Variants in LYZL2 observed in about 807,000 individuals in gnomAD.
LYZL2 encodes lysozyme-like protein 2.
LYZL2 carries 13 observed loss-of-function variants against 17.1 expected under a neutral mutation model. That is an observed-to-expected ratio of 0.76 (90% confidence interval 0.49 to 1.21). The LOEUF (loss-of-function observed/expected upper bound fraction) is 1.21, where lower values mean the gene tolerates loss of function less well. Among genes scored for constraint, LYZL2 ranks in the 50% most tolerant of loss-of-function variants. The pLI, the probability that LYZL2 is intolerant of heterozygous loss-of-function variation, is 0.00. For synonymous variants in LYZL2, 63 were observed against 74.4 expected, an observed-to-expected ratio of 0.85 and a Z score of 0.79; for missense variants, 166 against 189.2, an observed-to-expected ratio of 0.88 and a Z score of 0.72.
intron 3 of LYZL2, among the ~76,000 whole-genome samples, chr10:30,615,122 G>C (rs1476683944): frequency 2.0e-5 from 3 of 152,130 alleles, no homozygotes; most frequent in Non-Finnish European, 2.9e-5. Context: ...AGCAACATGT[G>C]ATAATTTAAA....
downstream of LYZL2, among the ~76,000 whole-genome samples, chr10:30,606,858 C>T (rs865937244): frequency 2.0e-5 from 3 of 151,696 alleles, no homozygotes; most frequent in Middle Eastern, 3.5e-3. Context: ...TCTGTTAGTA[C>T]CAACCAAATG....
rs1484856205 is a variant in LYZL2, at chr10:30,626,834, C to T, written c.82G>A (p.Ala28Thr). The T allele has an allele frequency of 6.2e-7, 1 of 1,614,122 alleles. No homozygotes were observed. Among genetic ancestry groups the T allele is most frequent in the African/African-American group, 1.3e-5 (1 of 74,928 alleles). Residue 28 changes from alanine to threonine, a missense_variant, in exon 2 of 5, where the codon GCA becomes ACA. Physicochemically the swap from Ala to Thr is moderately conservative, Grantham distance 58 (BLOSUM62 0). This residue lies in a region of LYZL2 where 32 missense variants were observed against 59.8 expected (regional missense o/e 0.53). Coordinates refer to ENST00000647634, the MANE Select transcript of LYZL2 (RefSeq NM_183058.3). ...AGGCCAGCCCTCGAGAATATTTTTG[C>T]CAGTTTGCAACGAGTGTAGATTTTG... is the stretch of plus-strand genomic sequence containing the variant. ...ESKIYTRCKL[A>T]KIFSRAGLDN... is the part of the protein sequence containing the mutation.
chr10:30,613,016 T>C, intron 3 of LYZL2, 116 bp from the exon 4 acceptor site: 4 of 716,894 alleles, frequency 5.6e-6, no homozygotes, highest in East Asian at 2.6e-5. Context: ...GGAAGAACTA[T>C]AATTTTCCCT....
chr10:30,612,992 G>C, intron 3 of LYZL2, 92 bp from the exon 4 acceptor site: 1 of 926,864 alleles, frequency 1.1e-6, no homozygotes. Context: ...CAGTCTTTTT[G>C]GGATGGGAAG....
intron 3 of LYZL2, among the ~76,000 whole-genome samples, chr10:30,619,833 A>G (rs1243689979): frequency 6.6e-6 from 1 of 152,200 alleles, no homozygotes; most frequent in African/African-American, 2.4e-5. Context: ...ACAATAATAA[A>G]AAAATTAAAA....
At chr10:30,628,595 A>C (rs1174079769) in intron 1 of LYZL2, among the ~76,000 whole-genome samples, 1 of 151,940 alleles carries the variant, frequency 6.6e-6, no homozygotes, top group Non-Finnish European at 1.5e-5. Flanking sequence ...TCTGACAACT[A>C]CTCGGGATCC....
At chr10:30,613,519 A>G (rs1838480516) in intron 3 of LYZL2, among the ~76,000 whole-genome samples, 1 of 149,640 alleles carries the variant, frequency 6.7e-6, no homozygotes. Flanking sequence ...AAAAAGGCAC[A>G]TAAGACAGGA....
chr10:30,608,205 A>G (rs915368616), downstream of LYZL2, among the ~76,000 whole-genome samples: 3 of 152,164 alleles, frequency 2.0e-5, no homozygotes, highest in African/African-American at 7.2e-5. Context: ...AGCCTCCCCA[A>G]GTGCTGGGGT....
chr10:30,621,937 C>T (rs951920730), intron 3 of LYZL2, among the ~76,000 whole-genome samples: 1 of 151,832 alleles, frequency 6.6e-6, no homozygotes, highest in African/African-American at 2.4e-5. Flanking sequence ...TTGTGAGGTA[C>T]ACAAATATAG....
At chr10:30,613,320 G>T (rs1404828243) in intron 3 of LYZL2, among the ~76,000 whole-genome samples, 1 of 152,034 alleles carries the variant, frequency 6.6e-6, no homozygotes, top group Non-Finnish European at 1.5e-5. Context: ...AACATAGCAA[G>T]ACCTCATCTC....
downstream of LYZL2, among the ~76,000 whole-genome samples, chr10:30,610,923 G>A (rs937544853): frequency 1.1e-4 from 16 of 152,080 alleles, no homozygotes; most frequent in Non-Finnish European, 2.1e-4. Context: ...TCTTGCGTGC[G>A]TGTAGGTACA....
chr10:30,619,291 T>A (rs1319819605), intron 3 of LYZL2, among the ~76,000 whole-genome samples: 1 of 152,168 alleles, frequency 6.6e-6, no homozygotes, highest in East Asian at 1.9e-4. Flanking sequence ...GATCTAGAAC[T>A]AGAAATACCA....
At chr10:30,625,208 G>A (rs1248202241) in intron 3 of LYZL2, among the ~76,000 whole-genome samples, 1 of 152,220 alleles carries the variant, frequency 6.6e-6, no homozygotes, top group African/African-American at 2.4e-5. Flanking sequence ...ATTTTGCGGT[G>A]TTTAAGCCAC....
chr10:30,617,778 C>A (rs1838558439), intron 3 of LYZL2, among the ~76,000 whole-genome samples: 1 of 151,660 alleles, frequency 6.6e-6, no homozygotes. Flanking sequence ...ACAGGGATGT[C>A]CTCTCTCACC....
intron 3 of LYZL2, 144 bp downstream of exon 3, chr10:30,625,959 CTG>C: frequency 7.9e-7 from 1 of 1,267,576 alleles, no homozygotes; most frequent in Non-Finnish European, 1.1e-6. Flanking sequence ...ACCTTGGAAA[CTG>C]TTGCATAATT....
At chr10:30,622,417 C>T (rs1250750169) in intron 3 of LYZL2, among the ~76,000 whole-genome samples, 1 of 152,018 alleles carries the variant, frequency 6.6e-6, no homozygotes, top group Non-Finnish European at 1.5e-5. Context: ...GGCGTGGTGG[C>T]ATGTGCCTGT....
intron 1 of LYZL2, among the ~76,000 whole-genome samples, chr10:30,627,657 G>A (rs922830717): frequency 1.8e-4 from 27 of 152,228 alleles, no homozygotes; most frequent in South Asian, 4.1e-4. Flanking sequence ...TTTATTGGCT[G>A]TTCATGTTAT....
At chr10:30,619,527 G>A (rs962563835) in intron 3 of LYZL2, among the ~76,000 whole-genome samples, 1 of 151,986 alleles carries the variant, frequency 6.6e-6, no homozygotes, top group Non-Finnish European at 1.5e-5. Flanking sequence ...GTCCTTTGTA[G>A]GGACATGGAT....
At chr10:30,617,674 C>CAA (rs1165550893) in intron 3 of LYZL2, among the ~76,000 whole-genome samples, 9,120 of 50,234 alleles carry the variant, frequency 0.18, 2,093 homozygotes, top group Non-Finnish European at 0.25. Flanking sequence ...GACTCTGTCT[C>CAA]AAAAAAAAAA....
Sources: gnomAD v4.1 joint callset for allele counts (sites outside exome capture counted in the v4.1 genomes callset) on GRCh38, gnomAD v4.1.1 for gene constraint, gnomAD v4.1.1 regional missense constraint, MANE v1.5 for transcripts, NCBI Gene and HGNC (gene_info 2026-07-23, HGNC 2026-07-21) for gene names.